Variants in ANKS6 observed in about 807,000 individuals in gnomAD.
ANKS6 encodes ankyrin repeat and SAM domain-containing protein 6.
A neutral mutation model predicts 77.9 loss-of-function variants in ANKS6; 47 were observed. The observed-to-expected ratio is 0.60, with a 90% CI of 0.48 to 0.77. The LOEUF (loss-of-function observed/expected upper bound fraction) is 0.77. Ranked by LOEUF, ANKS6 falls within the 30% of genes least tolerant of loss-of-function variation. The pLI, the probability that ANKS6 is intolerant of heterozygous loss-of-function variation, is 0.00. For missense variants in ANKS6, 1,150 were observed against 1,159.1 expected (o/e 0.99, Z 0.11); for synonymous variants, 488 against 501.7 (o/e 0.97, Z 0.37).
At chr9:98,766,642 T>C (rs1408755129) in intron 11 of ANKS6, among the ~76,000 whole-genome samples, 12 of 152,098 alleles carry the variant, frequency 7.9e-5, no homozygotes, top group Admixed American at 7.9e-4. Flanking sequence ...AATAAGCAAA[T>C]GTGTAGGGAG....
At chr9:98,746,582 CTT>C (rs71496901) in intron 13 of ANKS6, among the ~76,000 whole-genome samples, 60 of 133,180 alleles carry the variant, frequency 4.5e-4, no homozygotes, top group Middle Eastern at 3.8e-3. Context: ...GCACAGAGAG[CTT>C]TTTTTTTTTT....
chr9:98,772,235 T>C (rs920960838), intron 9 of ANKS6, among the ~76,000 whole-genome samples: 1 of 152,166 alleles, frequency 6.6e-6, no homozygotes, highest in African/African-American at 2.4e-5. Context: ...TGCAATCACA[T>C]GTATCTTTAT....
intron 1 of ANKS6, 125 bp from the exon 2 acceptor site, chr9:98,790,731 CG>C: frequency 7.5e-7 from 1 of 1,328,346 alleles, no homozygotes; most frequent in Non-Finnish European, 1.0e-6. Flanking sequence ...CTTATTCTGG[CG>C]CCAGGCACTG....
chr9:98,786,329 T>C (rs1405546063), intron 2 of ANKS6, among the ~76,000 whole-genome samples: 2 of 150,084 alleles, frequency 1.3e-5, no homozygotes, highest in Non-Finnish European at 3.0e-5. Flanking sequence ...TCTTGCTGTG[T>C]CTCCCAGGCT....
intron 2 of ANKS6, among the ~76,000 whole-genome samples, chr9:98,787,667 A>C (rs1834649352): frequency 6.6e-6 from 1 of 152,218 alleles, no homozygotes; most frequent in East Asian, 1.9e-4. Context: ...TGAAAATTTT[A>C]CAGGCCTGAT....
At chr9:98,774,547 A>G (rs1020208282) in intron 8 of ANKS6, among the ~76,000 whole-genome samples, 5 of 152,262 alleles carry the variant, frequency 3.3e-5, no homozygotes, top group African/African-American at 1.2e-4. Flanking sequence ...CTAGAGGAGC[A>G]GGACATGGGT....
Position 98,780,198 on chromosome 9 carries a change from A to C in ANKS6, c.1359T>G (p.Gly453=), listed in dbSNP as rs1564214131. The part of the protein sequence containing the change: ...WSIPVLPDDK[G]GLKSWWNRMS... Reference sequence around the variant, plus strand: ...ACAGGAAAAGGCAAACCTTCAGTCCACCCTTGTCATCGGGCAGCACTGGGA... The same window carrying C: ...ACAGGAAAAGGCAAACCTTCAGTCCCCCCTTGTCATCGGGCAGCACTGGGA... The change falls in exon 6 of 15, where the codon GGT becomes GGG. Residue 453 remains glycine (G), a synonymous_variant. Transcript: ENST00000353234. The C allele has an allele frequency of 6.2e-7, 1 of 1,613,652 alleles. No individual in the cohort carries two copies. The highest frequency in any genetic ancestry group is 8.5e-7 in the Non-Finnish European group (1 of 1,179,980).
chr9:98,770,108 G>A (rs1833539531), intron 10 of ANKS6, among the ~76,000 whole-genome samples: 1 of 152,154 alleles, frequency 6.6e-6, no homozygotes, highest in Admixed American at 6.5e-5. Flanking sequence ...ACCTGATGGA[G>A]GTAATTGAAT....
At chr9:98,790,891 G>C (rs1005630814) in intron 1 of ANKS6, among the ~76,000 whole-genome samples, 52 of 152,284 alleles carry the variant, frequency 3.4e-4, no homozygotes, top group Non-Finnish European at 6.9e-4. Context: ...TGCAAAATGG[G>C]GATATAACTG....
intron 8 of ANKS6, 34 bp from the exon 9 acceptor site, chr9:98,774,114 C>T (rs1833789767): frequency 1.4e-6 from 2 of 1,409,414 alleles, no homozygotes; most frequent in Non-Finnish European, 1.9e-6. Flanking sequence ...AGACAAGCCC[C>T]CAGGAGGGCT....
Position 98,732,634 on chromosome 9 carries a change from C to A in ANKS6, c.*3885G>T. ...AATGGGCAACCATCTTTGAGGTTTC[C>A]CACATCTGCACCGCTCCACAGTGTG... is the stretch of plus-strand genomic sequence containing the variant. On this transcript the variant is annotated 3_prime_UTR_variant, in exon 15 of 15. Transcript: ENST00000353234. The A allele has an allele frequency of 6.5e-7, 1 of 1,546,968 alleles. No homozygotes were observed. Among genetic ancestry groups the A allele is most frequent in the Non-Finnish European group, 8.7e-7 (1 of 1,146,004 alleles).
chr9:98,784,583 T>C, intron 3 of ANKS6: 2 of 488,932 alleles, frequency 4.1e-6, no homozygotes, highest in Non-Finnish European at 7.2e-6. Context: ...GCATTTCAGA[T>C]GCAGGAAGAG....
intron 12 of ANKS6, among the ~76,000 whole-genome samples, chr9:98,752,818 G>A (rs1357103243): frequency 6.6e-6 from 1 of 152,184 alleles, no homozygotes; most frequent in Non-Finnish European, 1.5e-5. Context: ...TGCATGCTAT[G>A]GTGAAGAGCA....
At chr9:98,759,353 T>C (rs1228391098) in intron 11 of ANKS6, among the ~76,000 whole-genome samples, 2 of 152,240 alleles carry the variant, frequency 1.3e-5, no homozygotes, top group African/African-American at 2.4e-5. Context: ...TGGAGCTTTC[T>C]TCCCCTACAC....
intron 14 of ANKS6, among the ~76,000 whole-genome samples, chr9:98,744,224 G>A (rs1348084083): frequency 1.3e-5 from 2 of 152,220 alleles, no homozygotes; most frequent in Non-Finnish European, 2.9e-5. Context: ...GCAATGCTAA[G>A]GGCATCCCTT....
chr9:98,796,221 C>G lies in ANKS6; in HGVS notation c.271G>C (p.Glu91Gln). 1 of 1,409,338 alleles carries G rather than the reference C, an allele frequency of 7.1e-7. No individual in the cohort carries two copies. 87.3% of individuals were successfully genotyped at this position (1,409,338 alleles called of 1,614,324 possible). The change falls in exon 1 of 15, where the codon GAA becomes CAA. Residue 91 changes from glutamate to glutamine, a missense_variant. Physicochemically the swap from Glu to Gln is conservative, Grantham distance 29 (BLOSUM62 2). Coordinates refer to ENST00000353234, the MANE Select transcript of ANKS6 (RefSeq NM_173551.5). ...CGCAGCAGGAAGCGCACCAGCGGTT[C>G]GTGGCCCCCGGCCGCGGCGAACTGC... The part of the protein sequence containing the change: ...ALQFAAAGGH[E>Q]PLVRFLLRRG...
At chr9:98,744,198 C>T (rs1465644871) in intron 14 of ANKS6, among the ~76,000 whole-genome samples, 2 of 152,222 alleles carry the variant, frequency 1.3e-5, no homozygotes, top group African/African-American at 2.4e-5. Context: ...AACTACTTGG[C>T]CTTGGGATGC....
Position 98,770,926 on chromosome 9 carries a change from G to A in ANKS6, c.1942C>T (p.Arg648Trp), listed in dbSNP as rs774030867. The A allele has an allele frequency of 3.8e-5, 59 of 1,563,230 alleles. No homozygotes were observed. Among genetic ancestry groups the A allele is most frequent in the South Asian group, 7.2e-5 (6 of 83,030 alleles). ...CGGTTAAGCAGCTCCCCACCGTGCC[G>A]GCTCACACCTACCCCACTGGAGCCG... The part of the protein sequence containing the change: ...SGGSSGVGVS[R>W]HGGELLNRSG... Residue 648 changes from arginine to tryptophan, a missense_variant, in exon 10 of 15, where the codon CGG becomes TGG. By Grantham distance (101) the Arg-to-Trp change is moderately radical. Transcript: ENST00000353234.
At chr9:98,752,725 C>T (rs1056090919) in intron 12 of ANKS6, among the ~76,000 whole-genome samples, 2 of 152,112 alleles carry the variant, frequency 1.3e-5, no homozygotes, top group African/African-American at 4.8e-5. Context: ...CCTGCTAGTC[C>T]GTGGCAAAGC....
Sources: allele counts gnomAD v4.1 joint callset (sites outside exome capture counted in the v4.1 genomes callset), GRCh38; gene constraint gnomAD v4.1.1; transcripts MANE v1.5; gene names NCBI Gene and HGNC (gene_info 2026-07-23, HGNC 2026-07-21).